The following CRHR1 variants were observed in gnomAD, a reference collection of about 807,000 sequenced individuals.
CRHR1 encodes the protein corticotropin releasing hormone receptor 1, also known as corticotropin-releasing hormone receptor 1.
A neutral mutation model predicts 56.0 loss-of-function variants in CRHR1; 28 were observed. The ratio of observed to expected loss-of-function variants is 0.50; its 90% confidence interval spans 0.37 to 0.69. The LOEUF (loss-of-function observed/expected upper bound fraction) is 0.69. Among genes scored for constraint, CRHR1 ranks in the 30% least tolerant of loss-of-function variants. The pLI is 0.00. For missense variants in CRHR1, 376 were observed against 548.0 expected (o/e 0.69, Z 3.13); for synonymous variants, 195 against 216.5 (o/e 0.90, Z 0.87).
At chr17:45,829,396 C>T in intron 5 of CRHR1, 75 bp downstream of exon 5, 1 of 1,441,178 alleles carries the variant, frequency 6.9e-7, no homozygotes, top group Non-Finnish European at 9.6e-7. Flanking sequence ...GTGAGAGGAG[C>T]AGCTCTAGGT....
chr17:45,813,412 G>A (rs534380945), intron 2 of CRHR1, among the ~76,000 whole-genome samples: 106 of 147,884 alleles, frequency 7.2e-4, no homozygotes, highest in African/African-American at 2.4e-3. Flanking sequence ...TCTCCTCCCC[G>A]TTCTTGCAGC....
chr17:45,830,646 CGGGCTGGGGGGCCTGA>C, intron 7 of CRHR1, 76 bp downstream of exon 7: 1 of 1,516,968 alleles, frequency 6.6e-7, no homozygotes, highest in South Asian at 1.3e-5. Context: ...CTCAGGCCAG[CGGGCTGGGGGGCCTGA>C]GGGATGGAGG....
chr17:45,802,523 A>C (rs543734572), intron 1 of CRHR1, among the ~76,000 whole-genome samples: 9 of 152,282 alleles, frequency 5.9e-5, no homozygotes, highest in African/African-American at 1.9e-4. Flanking sequence ...AAATCTCTGG[A>C]CTTTTCATGG....
At position 45,833,094 on chromosome 17, in the gene CRHR1, G is replaced by A. The variant is rs776285640; in HGVS notation, c.771-44G>A. 1.3e-5 allele frequency: 20 copies of A among 1,539,396 alleles called. No homozygotes were observed. In the Admixed American group the frequency reaches 2.7e-4, roughly 21 times the overall value. The stretch of plus-strand genomic sequence containing the variant: ...CTGTCCCTCCCCATGCCATCGAGGT[G>A]GACGCAGATGACCCTTCCTCCCCTT... On this transcript the variant is annotated intron_variant, in intron 8 of 12. Transcript: ENST00000314537.
At chr17:45,822,162 A>C (rs374881063) in intron 4 of CRHR1, among the ~76,000 whole-genome samples, 1 of 152,170 alleles carries the variant, frequency 6.6e-6, no homozygotes, top group South Asian at 2.1e-4. Context: ...ATAATCATCT[A>C]TCTTAGAGAT....
intron 1 of CRHR1, among the ~76,000 whole-genome samples, chr17:45,792,707 C>T (rs1443869342): frequency 6.6e-6 from 1 of 152,200 alleles, no homozygotes; most frequent in Non-Finnish European, 1.5e-5. Flanking sequence ...CTCACCTCAT[C>T]CCGTCCCCTG....
intron 5 of CRHR1, 45 bp from the exon 6 acceptor site, chr17:45,830,049 T>C (rs1317717217): frequency 6.2e-7 from 1 of 1,612,050 alleles, no homozygotes; most frequent in Non-Finnish European, 8.5e-7. Context: ...CCCCTCATCC[T>C]CTCTCTCCTA....
chr17:45,830,608 C>T (rs767429408), intron 7 of CRHR1, 38 bp downstream of exon 7: 37 of 1,569,120 alleles, frequency 2.4e-5, no homozygotes, highest in Non-Finnish European at 2.3e-5. Flanking sequence ...TGGGCAGTGG[C>T]GGCCGCCGGG....
At position 45,824,800 on chromosome 17, in the gene CRHR1, A is replaced by G. The variant is rs890792458; in HGVS notation, c.327+3360A>G. On this transcript the variant is annotated intron_variant, in intron 4 of 12. Transcript: ENST00000314537. ...CAGATCTCTGCCTTCTGGGGATGGA[A>G]GGGTGGTGTTGGCCTGTCTTGGCCT... Among the ~76,000 whole-genome samples, 13 of 152,078 alleles carry G rather than the reference A, an allele frequency of 8.5e-5. 1 individual carries two copies. Among genetic ancestry groups the G allele is most frequent in the Non-Finnish European group, 8.8e-5 (6 of 67,998 alleles).
At chr17:45,816,329 T>G in intron 2 of CRHR1, 134 bp from the exon 3 acceptor site, 12 of 1,201,848 alleles carry the variant, frequency 1.0e-5, no homozygotes, top group African/African-American at 1.5e-5. Flanking sequence ...GCACTGGTCA[T>G]TGTTGTCATC....
chr17:45,789,834 A>G (rs576475700), intron 1 of CRHR1, among the ~76,000 whole-genome samples: 1 of 152,350 alleles, frequency 6.6e-6, no homozygotes, highest in East Asian at 1.9e-4. Flanking sequence ...GCTGTGGGCA[A>G]GTCACCTCTT....
chr17:45,785,242 C>A lies in CRHR1; in HGVS notation c.33+665C>A, dbSNP rs1311780179. 2.0e-5 allele frequency among the ~76,000 whole-genome samples: 3 copies of A among 152,252 alleles called. No individual in the cohort carries two copies. In the East Asian group the frequency reaches 5.8e-4, roughly 29 times the overall value. Reference sequence around the variant, plus strand: ...GCGCTGCGCGGCCGACCCTGCGACGCGGATCGGGCGCTGGAGTTTAGGAAA... The same window carrying A: ...GCGCTGCGCGGCCGACCCTGCGACGAGGATCGGGCGCTGGAGTTTAGGAAA... On this transcript the variant is annotated intron_variant, in intron 1 of 12. Transcript: ENST00000314537.
At chr17:45,820,654 A>C (rs1194267322) in intron 3 of CRHR1, among the ~76,000 whole-genome samples, 1 of 152,080 alleles carries the variant, frequency 6.6e-6, no homozygotes, top group Non-Finnish European at 1.5e-5. Flanking sequence ...ACATCTCCCC[A>C]CACACGCCTG....
intron 12 of CRHR1, among the ~76,000 whole-genome samples, 164 bp downstream of exon 12, chr17:45,834,212 C>G (rs1462924410): frequency 1.3e-5 from 2 of 152,224 alleles, no homozygotes; most frequent in Non-Finnish European, 2.9e-5. Context: ...CCCCTCCCAC[C>G]TGTCCACTCC....
At chr17:45,807,139 A>G (rs779724823) in intron 2 of CRHR1, 42 bp downstream of exon 2, 1 of 1,563,854 alleles carries the variant, frequency 6.4e-7, no homozygotes, top group South Asian at 1.1e-5. Flanking sequence ...CCTGGTCACC[A>G]CAATGCCCCC....
intron 1 of CRHR1, among the ~76,000 whole-genome samples, chr17:45,786,922 T>C (rs1288720373): frequency 6.6e-6 from 1 of 152,170 alleles, no homozygotes; most frequent in Non-Finnish European, 1.5e-5. Context: ...ATTACAGGCA[T>C]GAGCCACCAT....
intron 1 of CRHR1, among the ~76,000 whole-genome samples, chr17:45,793,871 G>T (rs541630179): frequency 1.3e-5 from 2 of 152,150 alleles, no homozygotes; most frequent in African/African-American, 4.8e-5. Context: ...TTACTGGACC[G>T]ACCACAATGC....
intron 3 of CRHR1, among the ~76,000 whole-genome samples, chr17:45,817,323 C>G (rs1277711582): frequency 6.6e-6 from 1 of 152,226 alleles, no homozygotes; most frequent in East Asian, 1.9e-4. Flanking sequence ...GGAGCCCTAA[C>G]CTACCTGAGG....
intron 1 of CRHR1, among the ~76,000 whole-genome samples, chr17:45,788,567 C>G (rs568794009): frequency 3.3e-5 from 5 of 152,132 alleles, no homozygotes; most frequent in Non-Finnish European, 5.9e-5. Flanking sequence ...GGGGGAAATG[C>G]CTAACTCAGG....
Sources: gnomAD v4.1 joint callset for allele counts (sites outside exome capture counted in the v4.1 genomes callset) on GRCh38, gnomAD v4.1.1 for gene constraint, MANE v1.5 for transcripts, NCBI Gene and HGNC (gene_info 2026-07-23, HGNC 2026-07-21) for gene names.